The following ACSBG1 variants were observed in gnomAD, a reference collection of about 807,000 sequenced individuals.
ACSBG1 encodes acyl-CoA synthetase bubblegum family member 1, also known as long-chain-fatty-acid--CoA ligase ACSBG1.
In ACSBG1, 39 loss-of-function variants were observed where a neutral mutation model predicts 80.2. The ratio of observed to expected loss-of-function variants is 0.49; its 90% confidence interval spans 0.38 to 0.64. The LOEUF (loss-of-function observed/expected upper bound fraction) is 0.64, where lower values mean the gene tolerates loss of function less well. Among genes scored for constraint, ACSBG1 ranks in the 30% least tolerant of loss-of-function variants. The pLI is 0.00. For synonymous variants in ACSBG1, 392 were observed against 379.5 expected, an observed-to-expected ratio of 1.03 and a Z score of -0.38; for missense variants, 828 against 966.4, an observed-to-expected ratio of 0.86 and a Z score of 1.90.
chr15:78,187,451 C>T (rs2075015243), intron 5 of ACSBG1, among the ~76,000 whole-genome samples: 1 of 152,166 alleles, frequency 6.6e-6, no homozygotes, highest in African/African-American at 2.4e-5. Context: ...CCAAATCCAG[C>T]AGCACATCAA....
intron 1 of ACSBG1, among the ~76,000 whole-genome samples, chr15:78,233,507 T>G (rs1302570008): frequency 6.6e-6 from 1 of 152,072 alleles, no homozygotes; most frequent in Non-Finnish European, 1.5e-5. Flanking sequence ...CACCCAGACC[T>G]CTCCCATCCC....
chr15:78,222,810 T>C (rs913758232), intron 1 of ACSBG1, among the ~76,000 whole-genome samples: 3 of 140,180 alleles, frequency 2.1e-5, no homozygotes, highest in South Asian at 2.2e-4. Context: ...TAACAGTACA[T>C]TTTAAAGTAC....
At chr15:78,213,436 T>G (rs1236300608) in intron 1 of ACSBG1, 1 of 152,348 alleles carries the variant, frequency 6.6e-6, no homozygotes, top group Non-Finnish European at 1.5e-5. Context: ...GTGCTCACCT[T>G]CCTCCTTCTT....
intron 1 of ACSBG1, among the ~76,000 whole-genome samples, chr15:78,230,239 C>G (rs1038889702): frequency 7.2e-5 from 11 of 152,322 alleles, no homozygotes; most frequent in African/African-American, 2.4e-4. Context: ...TCAGACCCCA[C>G]GGGTTTTGCC....
At chr15:78,212,656 G>A (rs2075276712) in intron 1 of ACSBG1, 1 of 453,736 alleles carries the variant, frequency 2.2e-6, no homozygotes. Context: ...CAGAACCTCA[G>A]AGAACATGTC....
Position 78,182,762 on chromosome 15 carries a change from T to A in ACSBG1, c.687A>T (p.Leu229=). The change falls in exon 6 of 14, where the codon CTA becomes CTT. Residue 229 remains leucine, a synonymous_variant. Coordinates refer to ENST00000258873, the MANE Select transcript of ACSBG1 (RefSeq NM_015162.5). The stretch of plus-strand genomic sequence containing the variant: ...GTTCTTTATATATCACGACTGCCTT[T>A]AGATGTGGCAACTGTTTCCAGATCT... ...ILKIWKQLPH[L]KAVVIYKEPP... The A allele has an allele frequency of 1.2e-6, 2 of 1,614,254 alleles. No individual in the cohort carries two copies. Among genetic ancestry groups the A allele is most frequent in the Middle Eastern group, 1.6e-4 (1 of 6,062 alleles).
rs2074904202 is a variant in ACSBG1 at position 78,178,376 on chromosome 15, G to A, written c.1702+238C>T. ...TGCAAAGAGGCAATCTCAGCTCACTGCAACCTCTGCCTCCCGGGTTCAAGT... is the reference window on the plus strand; with the variant it reads ...TGCAAAGAGGCAATCTCAGCTCACTACAACCTCTGCCTCCCGGGTTCAAGT... On this transcript the variant is annotated intron_variant, in intron 11 of 13. Coordinates refer to ENST00000258873, the MANE Select transcript of ACSBG1 (RefSeq NM_015162.5). The surrounding 1 kb of genome is among the most constrained non-coding windows in gnomAD (Gnocchi z 4.3). Among the ~76,000 whole-genome samples the A allele has an allele frequency of 6.6e-6, 1 of 152,140 alleles. No individual in the cohort carries two copies. Among genetic ancestry groups the A allele is most frequent in the African/African-American group, 2.4e-5 (1 of 41,422 alleles).
Position 78,193,956 on chromosome 15 carries a change from G to A in ACSBG1, c.518C>T (p.Ser173Leu), listed in dbSNP as rs982351265. The A allele has an allele frequency of 5.0e-6, 8 of 1,613,760 alleles. No individual in the cohort carries two copies. Among genetic ancestry groups the A allele is most frequent in the Middle Eastern group, 1.6e-4 (1 of 6,084 alleles). The change falls in exon 4 of 14, where the codon TCG becomes TTG. Residue 173 changes from serine to leucine, a missense_variant. Coordinates refer to ENST00000258873, the MANE Select transcript of ACSBG1 (RefSeq NM_015162.5). ...LGFNSPEWFF[S>L]AVGTVFAGGI... Reference sequence around the variant, plus strand: ...CCCTGCAAATACTGTGCCCACTGCCGAGAAGAACCACTCCGGGGAGTTGAA... The same window carrying A: ...CCCTGCAAATACTGTGCCCACTGCCAAGAAGAACCACTCCGGGGAGTTGAA...
At chr15:78,193,188 C>A (rs1283808596) in intron 5 of ACSBG1, among the ~76,000 whole-genome samples, 2 of 152,202 alleles carry the variant, frequency 1.3e-5, no homozygotes, top group Non-Finnish European at 2.9e-5. Flanking sequence ...CCAGAGGACC[C>A]CGGCCCCCAC....
At position 78,177,057 on chromosome 15, in the gene ACSBG1, A is replaced by T. The variant is rs141396425; in HGVS notation, c.1702+1557T>A. ...GGAAGAGACAATACTATAAACATGT[A>T]TTTTTCTCACCAAATTGATCTATAG... On this transcript the variant is annotated intron_variant, in intron 11 of 13. Transcript: ENST00000258873. This position sits in a 1 kb window ranked among gnomAD's most constrained non-coding sequence, Gnocchi z 4.1. Among the ~76,000 whole-genome samples the T allele has an allele frequency of 6.6e-6, 1 of 152,326 alleles. No homozygotes were observed. The highest frequency in any genetic ancestry group is 6.5e-5 in the Admixed American group (1 of 15,294).
At chr15:78,218,875 G>A (rs150645643) in intron 1 of ACSBG1, among the ~76,000 whole-genome samples, 22 of 146,860 alleles carry the variant, frequency 1.5e-4, no homozygotes, top group African/African-American at 5.1e-4. Flanking sequence ...GCAGTGGCGC[G>A]ATCTTGGCTC....
At chr15:78,209,646 A>C (rs939097815) in intron 1 of ACSBG1, among the ~76,000 whole-genome samples, 6 of 152,156 alleles carry the variant, frequency 3.9e-5, no homozygotes, top group Non-Finnish European at 7.3e-5. Flanking sequence ...AACGAGGGAC[A>C]CGTACACTGC....
chr15:78,207,985 A>G lies in ACSBG1; in HGVS notation c.232+17T>C. On this transcript the variant is annotated intron_variant, in intron 2 of 13. Transcript: ENST00000258873. ...GTTTCCCGCCCTGCCCCACCCTACC[A>G]CCCCCAGCTGGCTTACCTGGAGCAT... is the stretch of plus-strand genomic sequence containing the variant. The G allele has an allele frequency of 1.2e-6, 1 of 860,128 alleles. No homozygotes were observed. Among genetic ancestry groups the G allele is most frequent in the Non-Finnish European group, 1.7e-6 (1 of 583,890 alleles). 53.3% of individuals were successfully genotyped at this position (860,128 alleles called of 1,614,324 possible). A position where few individuals can be genotyped will look rare whatever the true frequency, so the allele number is the denominator to read the frequency against.
At chr15:78,181,344 G>A (rs1349470171) in intron 8 of ACSBG1, among the ~76,000 whole-genome samples, 1 of 152,046 alleles carries the variant, frequency 6.6e-6, no homozygotes, top group Non-Finnish European at 1.5e-5. Flanking sequence ...TAAAATAAGG[G>A]TCCAAAGAAC....
intron 2 of ACSBG1, among the ~76,000 whole-genome samples, chr15:78,206,882 G>A (rs2075220683): frequency 6.6e-6 from 1 of 152,144 alleles, no homozygotes. Flanking sequence ...CCCACAAATG[G>A]CTCCCTTCCT....
At chr15:78,175,428 A>G (rs1402400839) in intron 11 of ACSBG1, among the ~76,000 whole-genome samples, 2 of 152,240 alleles carry the variant, frequency 1.3e-5, no homozygotes, top group South Asian at 4.1e-4. Context: ...AGGAGCCCAC[A>G]GTGCAGCGGG....
rs1213498604 is a variant in ACSBG1 at position 78,227,210 on chromosome 15, C to A, written c.131+7161G>T. On this transcript the variant is annotated intron_variant, in intron 1 of 13. Coordinates refer to ENST00000258873, the MANE Select transcript of ACSBG1 (RefSeq NM_015162.5). ...CTCCAGCCTGGGTGACAGAGCGAGA[C>A]CCTGTCTCAAAAAAAAAAAAAAAAA... Among the ~76,000 whole-genome samples, 3 of 115,192 alleles carry A rather than the reference C, an allele frequency of 2.6e-5. No individual in the cohort carries two copies. The Admixed American group carries it at 2.9e-4, about 11-fold the overall frequency. 75.6% of individuals were successfully genotyped at this position (115,192 alleles called of 152,430 possible).
chr15:78,182,731 G>A lies in ACSBG1; in HGVS notation c.718C>T (p.Pro240Ser). The change falls in exon 6 of 14, where the codon CCA (proline) becomes TCA (serine). Residue 240 changes from proline (P) to serine (S), a missense_variant. By Grantham distance (74) the Pro-to-Ser change is moderately conservative. Around this residue, in one of 3 missense-constraint regions of ACSBG1, gnomAD observed 356 missense variants for 363.5 expected, o/e 0.98. Coordinates refer to ENST00000258873, the MANE Select transcript of ACSBG1 (RefSeq NM_015162.5). ...GTGTACACATTGGCCATCTTGTTTG[G>A]AGGAGGTTCTTTATATATCACGACT... Reference protein sequence around the residue: ...KAVVIYKEPPPNKMANVYTME... With the variant: ...KAVVIYKEPPSNKMANVYTME... 2 of 1,614,242 alleles carry A rather than the reference G, an allele frequency of 1.2e-6. No individual in the cohort carries two copies. Among genetic ancestry groups the A allele is most frequent in the Non-Finnish European group, 1.7e-6 (2 of 1,180,044 alleles).
At position 78,183,716 on chromosome 15, in the gene ACSBG1, G is replaced by A. The variant is rs79999492; in HGVS notation, c.664-931C>T. 1.7e-4 allele frequency among the ~76,000 whole-genome samples: 26 copies of A among 152,152 alleles called. No homozygotes were observed. The East Asian group carries it at 4.7e-3, about 27-fold the overall frequency. ...CACATGATTTTGACTTTGGAATCATGTAAATGTCTTAACCATTTGAAAAAT... is the reference window on the plus strand; with the variant it reads ...CACATGATTTTGACTTTGGAATCATATAAATGTCTTAACCATTTGAAAAAT... On this transcript the variant is annotated intron_variant, in intron 5 of 13. Coordinates refer to ENST00000258873, the MANE Select transcript of ACSBG1 (RefSeq NM_015162.5).
Sources: allele counts gnomAD v4.1 joint callset (sites outside exome capture counted in the v4.1 genomes callset), GRCh38; gene constraint gnomAD v4.1.1; regional missense constraint gnomAD v4.1.1; non-coding constraint Gnocchi (gnomAD v3.1); transcripts MANE v1.5; gene names NCBI Gene and HGNC (gene_info 2026-07-23, HGNC 2026-07-21).